The following EBF4 variants were observed in gnomAD, a reference collection of about 807,000 sequenced individuals.
EBF4 encodes transcription factor COE4.
In EBF4, 34 loss-of-function variants were observed where a neutral mutation model predicts 67.1. The observed-to-expected ratio is 0.51, with a 90% CI of 0.39 to 0.67. The LOEUF is 0.67. EBF4 is among the 30% of genes least tolerant of loss of function. The pLI is 0.00. For synonymous variants in EBF4, 387 were observed against 377.7 expected (o/e 1.02, Z -0.29); for missense variants, 837 against 873.3 (o/e 0.96, Z 0.52).
chr20:2,737,921 C>T (rs2092523), intron 6 of EBF4, among the ~76,000 whole-genome samples: 3 of 150,390 alleles, frequency 2.0e-5, no homozygotes, highest in Admixed American at 1.3e-4. Flanking sequence ...GCCGAGATCG[C>T]GCCATTGCAC....
rs1232809636 is a variant in EBF4, at chr20:2,743,524, G to T, written c.558-5025G>T. On this transcript the variant is annotated intron_variant, in intron 6 of 16. Transcript: ENST00000609451. The stretch of plus-strand genomic sequence containing the variant: ...AAGTTTTCTATAACTTATTGATGAG[G>T]GAACCAATGGGATGACAAAGCTGAT... Among the ~76,000 whole-genome samples the T allele has an allele frequency of 3.3e-5, 5 of 152,160 alleles. No homozygotes were observed. In the East Asian group the frequency reaches 9.6e-4, roughly 29 times the overall value.
chr20:2,741,099 C>G (rs2087961148), intron 6 of EBF4, among the ~76,000 whole-genome samples: 1 of 152,010 alleles, frequency 6.6e-6, no homozygotes, highest in Non-Finnish European at 1.5e-5. Context: ...TCGCCTGAGC[C>G]CAGGAGTTTG....
In EBF4 at chr20:2,707,433, TG is replaced by T. The variant is rs2087474458; in HGVS notation, c.415-509del. 2.6e-5 allele frequency among the ~76,000 whole-genome samples: 4 copies of T among 151,974 alleles called. No homozygotes were observed. The South Asian group carries it at 8.3e-4, about 32-fold the overall frequency. ...GACCGAGCCTGGGCTAGGGATGGTA[TG>T]GGGGAAGAGGCGATAGTTATCTAGG... is the stretch of plus-strand genomic sequence containing the variant. On this transcript the variant is annotated intron_variant, in intron 4 of 16. Transcript: ENST00000609451. This position sits in a 1 kb window ranked among gnomAD's most constrained non-coding sequence, Gnocchi z 4.6.
chr20:2,755,603 GCC>G lies in EBF4; in HGVS notation c.1541-21_1541-20del. ...TCCCACCACCTTCCCTGCTGCGCCT[GCC>G]CCTCCCCGCCCCGCCCCGGAGTCAT... On this transcript the variant is annotated intron_variant, in intron 14 of 16. Coordinates refer to ENST00000609451, the Ensembl canonical transcript of EBF4. This position sits in a 1 kb window ranked among gnomAD's most constrained non-coding sequence, Gnocchi z 4.7. The G allele has an allele frequency of 9.3e-7, 1 of 1,077,736 alleles. No individual in the cohort carries two copies. Among genetic ancestry groups the G allele is most frequent in the African/African-American group, 1.6e-5 (1 of 64,232 alleles). 66.8% of individuals were successfully genotyped at this position (1,077,736 alleles called of 1,614,324 possible). A position where few individuals can be genotyped will look rare whatever the true frequency, so the allele number is the denominator to read the frequency against.
chr20:2,751,091 C>T lies in EBF4; in HGVS notation c.1019-609C>T, dbSNP rs1196682355. On this transcript the variant is annotated intron_variant, in intron 10 of 16. Coordinates refer to ENST00000609451, the Ensembl canonical transcript of EBF4. This position sits in a 1 kb window ranked among gnomAD's most constrained non-coding sequence, Gnocchi z 5.2. Reference sequence around the variant, plus strand: ...CAGACGCGCATACACACACACACCCCTTGCACAACGCCAGGGTAAGCAGTG... The same window carrying T: ...CAGACGCGCATACACACACACACCCTTTGCACAACGCCAGGGTAAGCAGTG... Among the ~76,000 whole-genome samples the T allele has an allele frequency of 6.6e-6, 1 of 152,032 alleles. No individual in the cohort carries two copies. The highest frequency in any genetic ancestry group is 2.4e-5 in the African/African-American group (1 of 41,370).
At chr20:2,713,069 C>G (rs1041612085) in intron 6 of EBF4, among the ~76,000 whole-genome samples, 1 of 152,010 alleles carries the variant, frequency 6.6e-6, no homozygotes, top group African/African-American at 2.4e-5. Flanking sequence ...CTAAAGAAAT[C>G]AAAGGAATCA....
intron 6 of EBF4, among the ~76,000 whole-genome samples, chr20:2,727,609 T>A (rs1568576721): frequency 6.6e-6 from 1 of 152,240 alleles, no homozygotes; most frequent in Non-Finnish European, 1.5e-5. Flanking sequence ...AATTGCTGAA[T>A]CAATGGTAGT....
chr20:2,738,027 C>A (rs1188054682), intron 6 of EBF4, among the ~76,000 whole-genome samples: 1 of 152,012 alleles, frequency 6.6e-6, no homozygotes, highest in Non-Finnish European at 1.5e-5. Flanking sequence ...GAACCAGAGC[C>A]CACAGTCAGG....
Position 2,751,149 on chromosome 20 carries a change from C to T in EBF4, c.1019-551C>T, listed in dbSNP as rs552397398. 1.3e-5 allele frequency among the ~76,000 whole-genome samples: 2 copies of T among 151,966 alleles called. No homozygotes were observed. Among genetic ancestry groups the T allele is most frequent in the Non-Finnish European group, 2.9e-5 (2 of 67,936 alleles). On this transcript the variant is annotated intron_variant, in intron 10 of 16. Transcript: ENST00000609451. The surrounding 1 kb of genome is among the most constrained non-coding windows in gnomAD (Gnocchi z 5.2). ...CACACGTGGAGATGCAATGTAGAAT[C>T]TGGCCGCTGGCCGGATCTTCTCTAC...
Position 2,751,000 on chromosome 20 carries a change from C to A in EBF4, c.1019-700C>A, listed in dbSNP as rs77466418. On this transcript the variant is annotated intron_variant, in intron 10 of 16. Coordinates refer to ENST00000609451, the Ensembl canonical transcript of EBF4. ...GTGGATTAGGTCGGGGCCAGGCTAT[C>A]TGAAAAGGGCGGTGCGGGGATCAGG... Among the ~76,000 whole-genome samples, 37 of 152,246 alleles carry A rather than the reference C, an allele frequency of 2.4e-4. No homozygotes were observed. The East Asian group carries it at 7.0e-3, about 29-fold the overall frequency.
chr20:2,758,894 C>G lies in EBF4; in HGVS notation c.1739-15C>G. 1 of 1,551,582 alleles carries G rather than the reference C, an allele frequency of 6.4e-7. No individual in the cohort carries two copies. The highest frequency in any genetic ancestry group is 8.7e-7 in the Non-Finnish European group (1 of 1,146,890). On this transcript the variant is annotated splice_polypyrimidine_tract_variant and intron_variant, in intron 15 of 16. Transcript: ENST00000609451. ...GGCACATGGCTTATGGCTCCTTTTT[C>G]CTTGACTACTGCAGACCAGTCTTTT... is the stretch of plus-strand genomic sequence containing the variant.
chr20:2,716,773 AT>A (rs1163728086), intron 6 of EBF4, among the ~76,000 whole-genome samples: 34 of 152,318 alleles, frequency 2.2e-4, no homozygotes, highest in African/African-American at 7.5e-4. Context: ...TATGTCCTAT[AT>A]CAAGTTTTCT....
At position 2,752,206 on chromosome 20, in the gene EBF4, G is replaced by A. The variant is rs1340834441; in HGVS notation, c.1294G>A (p.Ala432Thr). The change falls in exon 13 of 17, where the codon GCC (alanine) becomes ACC (threonine). Residue 432 changes from alanine to threonine, a missense_variant. Transcript: ENST00000609451. Reference sequence around the variant, plus strand: ...ACACCCCGCCGTCGTGGGCATCAACGCCTTCAGCAGCCCGCTGGCCATCGC... The same window carrying A: ...ACACCCCGCCGTCGTGGGCATCAACACCTTCAGCAGCCCGCTGGCCATCGC... The A allele has an allele frequency of 4.3e-6, 6 of 1,409,526 alleles. 1 individual carries two copies. Among genetic ancestry groups the A allele is most frequent in the South Asian group, 1.5e-5 (1 of 67,372 alleles). The allele number at this position is 1,409,526 out of a possible 1,614,324, so 87.3% of individuals were successfully genotyped here. A position where few individuals can be genotyped will look rare whatever the true frequency, so the allele number is the denominator to read the frequency against.
Position 2,755,599 on chromosome 20 carries a change from G to A in EBF4, c.1541-28G>A, listed in dbSNP as rs1393391449. On this transcript the variant is annotated intron_variant, in intron 14 of 16. Transcript: ENST00000609451. This position sits in a 1 kb window ranked among gnomAD's most constrained non-coding sequence, Gnocchi z 4.7. ...TGTCTCCCACCACCTTCCCTGCTGC[G>A]CCTGCCCCTCCCCGCCCCGCCCCGG... 3.6e-6 allele frequency: 4 copies of A among 1,120,724 alleles called. No individual in the cohort carries two copies. Among genetic ancestry groups the A allele is most frequent in the East Asian group, 2.6e-5 (1 of 39,004 alleles). 69.4% of individuals were successfully genotyped at this position (1,120,724 alleles called of 1,614,324 possible). A position where few individuals can be genotyped will look rare whatever the true frequency, so the allele number is the denominator to read the frequency against.
rs1232370015 is a variant in EBF4 at position 2,751,749 on chromosome 20, C to T, written c.1068C>T (p.Val356=). ...ACGGATTCCAGAGGCTACAGAAAGT[C>T]ATTCCCAGACACCCCGGAGACCCCG... The change falls in exon 11 of 17, where the codon GTC becomes GTT. Residue 356 remains valine, a synonymous_variant. Coordinates refer to ENST00000609451, the Ensembl canonical transcript of EBF4. The surrounding 1 kb of genome is among the most constrained non-coding windows in gnomAD (Gnocchi z 5.2). 1.9e-6 allele frequency: 3 copies of T among 1,544,298 alleles called. No individual in the cohort carries two copies. Among genetic ancestry groups the T allele is most frequent in the Non-Finnish European group, 2.6e-6 (3 of 1,142,996 alleles).
intron 6 of EBF4, among the ~76,000 whole-genome samples, chr20:2,733,904 C>T (rs938567192): frequency 6.6e-6 from 1 of 151,626 alleles, no homozygotes; most frequent in African/African-American, 2.4e-5. Context: ...TGCATGTGCC[C>T]CGTGGGTCGC....
chr20:2,732,719 G>A (rs1388016891), intron 6 of EBF4, among the ~76,000 whole-genome samples: 1 of 152,112 alleles, frequency 6.6e-6, no homozygotes, highest in Non-Finnish European at 1.5e-5. Flanking sequence ...TCCTTTTAAT[G>A]AAGCATTTCA....
chr20:2,705,495 G>A, intron 1 of EBF4, 82 bp from the exon 2 acceptor site: 2 of 1,539,132 alleles, frequency 1.3e-6, no homozygotes, highest in South Asian at 2.4e-5. Context: ...GTCCTGGCTA[G>A]CATGCCTGCC....
Position 2,707,822 on chromosome 20 carries a change from G to C in EBF4, c.415-125G>C. The C allele has an allele frequency of 1.1e-6, 1 of 925,332 alleles. No homozygotes were observed. The highest frequency in any genetic ancestry group is 1.7e-5 in the African/African-American group (1 of 58,976). 57.3% of individuals were successfully genotyped at this position (925,332 alleles called of 1,614,324 possible). A position where few individuals can be genotyped will look rare whatever the true frequency, so the allele number is the denominator to read the frequency against. On this transcript the variant is annotated intron_variant, in intron 4 of 16. Transcript: ENST00000609451. This position sits in a 1 kb window ranked among gnomAD's most constrained non-coding sequence, Gnocchi z 4.6. ...GGCAGCCCAGAGCAAGGCAGAGGGC[G>C]TGCTCTTCCCTGGGGCAGGGTCTCC...
Sources: allele counts gnomAD v4.1 joint callset (sites outside exome capture counted in the v4.1 genomes callset), GRCh38; gene constraint gnomAD v4.1.1; non-coding constraint Gnocchi (gnomAD v3.1); transcripts MANE v1.5; gene names NCBI Gene and HGNC (gene_info 2026-07-23, HGNC 2026-07-21).